Variants in MAPK10 observed in about 807,000 individuals in gnomAD.
The protein encoded by MAPK10 is JNK3 alpha protein kinase.
MAPK10 carries 25 observed loss-of-function variants against 59.3 expected under a neutral mutation model. That is an observed-to-expected ratio of 0.42 (90% CI 0.31 to 0.59). The LOEUF is 0.59. Ranked by LOEUF, MAPK10 falls within the 20% of genes least tolerant of loss-of-function variation. The pLI is 0.15. For missense variants in MAPK10, 351 were observed against 568.9 expected, an observed-to-expected ratio of 0.62 and a Z score of 3.90; for synonymous variants, 190 against 200.5, an observed-to-expected ratio of 0.95 and a Z score of 0.44.
chr4:86,555,419 C>G (rs1444397130), intron 1 of MAPK10, among the ~76,000 whole-genome samples: 2 of 152,142 alleles, frequency 1.3e-5, no homozygotes, highest in Non-Finnish European at 2.9e-5. Context: ...GCACTCTAGC[C>G]TGGGTGACAG....
chr4:86,323,460 C>T (rs985590929), intron 2 of MAPK10, among the ~76,000 whole-genome samples: 1 of 152,078 alleles, frequency 6.6e-6, no homozygotes, highest in Non-Finnish European at 1.5e-5. Context: ...TAAATCTCAC[C>T]AAATCATGTT....
Position 86,079,168 on chromosome 4 carries a change from A to G in MAPK10, c.803-11213T>C, listed in dbSNP as rs557287797. The stretch of plus-strand genomic sequence containing the variant: ...ATAAATGAGCATAGGAAGAGGAATT[A>G]TAAGCCAAAACACATCCAAAATATG... On this transcript the variant is annotated intron_variant, in intron 9 of 13. Transcript: ENST00000641462. Among the ~76,000 whole-genome samples the G allele has an allele frequency of 9.8e-5, 15 of 152,332 alleles. 1 individual carries two copies. The highest frequency in any genetic ancestry group is 5.9e-5 in the Non-Finnish European group (4 of 68,030).
At chr4:86,194,303 C>T (rs765362485) in intron 3 of MAPK10, 33 bp downstream of exon 3, 12 of 1,558,812 alleles carry the variant, frequency 7.7e-6, no homozygotes, top group South Asian at 1.1e-5. Flanking sequence ...AGGGAATATA[C>T]TGTACCTTGT....
At chr4:86,262,572 TA>T (rs1324338442) in intron 2 of MAPK10, among the ~76,000 whole-genome samples, 1 of 152,198 alleles carries the variant, frequency 6.6e-6, no homozygotes, top group Admixed American at 6.5e-5. Context: ...TCCTAGTGTG[TA>T]CTGAACCTAG....
At chr4:86,398,856 G>A (rs55724430) in intron 1 of MAPK10, among the ~76,000 whole-genome samples, 44,698 of 152,010 alleles carry the variant, frequency 0.29, 6,708 homozygotes, top group Admixed American at 0.33. Context: ...AGAATATGCA[G>A]CATTTAGTTT....
At chr4:86,518,892 G>GA (rs1371929885) in intron 1 of MAPK10, among the ~76,000 whole-genome samples, 1 of 152,112 alleles carries the variant, frequency 6.6e-6, no homozygotes, top group Non-Finnish European at 1.5e-5. Flanking sequence ...TTCAGGAGCA[G>GA]ATTATTTCAT....
chr4:86,132,883 G>C (rs150010386), intron 4 of MAPK10, among the ~76,000 whole-genome samples: 97 of 152,254 alleles, frequency 6.4e-4, no homozygotes, highest in African/African-American at 2.3e-3. Context: ...TCTACATTAT[G>C]ATGAGTTGTA....
chr4:86,037,950 A>G (rs2040684430), intron 11 of MAPK10, among the ~76,000 whole-genome samples: 1 of 152,196 alleles, frequency 6.6e-6, no homozygotes, highest in African/African-American at 2.4e-5. Context: ...TTCTGTTCCA[A>G]TTTTCTGTCA....
intron 1 of MAPK10, among the ~76,000 whole-genome samples, chr4:86,513,066 C>A (rs1283687616): frequency 6.6e-6 from 1 of 151,922 alleles, no homozygotes; most frequent in African/African-American, 2.4e-5. Context: ...TCCTTTTTTT[C>A]TTTTCTTTTC....
chr4:86,474,531 C>T (rs1455701052), intron 1 of MAPK10, among the ~76,000 whole-genome samples: 1 of 152,160 alleles, frequency 6.6e-6, no homozygotes, highest in East Asian at 1.9e-4. Context: ...TATAAATTGT[C>T]TTTGGCAAAA....
chr4:86,592,534 T>C (rs1244323204), intron 1 of MAPK10, among the ~76,000 whole-genome samples: 1 of 152,250 alleles, frequency 6.6e-6, no homozygotes, highest in Non-Finnish European at 1.5e-5. Context: ...ATACATGAAC[T>C]TTCTTTCAGA....
chr4:86,224,834 AT>A (rs1356677246), intron 2 of MAPK10, among the ~76,000 whole-genome samples: 1 of 152,340 alleles, frequency 6.6e-6, no homozygotes, highest in East Asian at 1.9e-4. Context: ...TAAAAATATT[AT>A]CCAAGATGAA....
chr4:86,358,525 T>G, intron 1 of MAPK10: 1 of 213,672 alleles, frequency 4.7e-6, no homozygotes, highest in Non-Finnish European at 8.1e-6. Context: ...AGGCAGCCCA[T>G]GTAAACAACC....
chr4:86,045,174 C>A (rs6815306), intron 11 of MAPK10, among the ~76,000 whole-genome samples: 55,578 of 151,592 alleles, frequency 0.37, 12,171 homozygotes, highest in South Asian at 0.58. Context: ...GTAGTTTTCT[C>A]AGATTTATTT....
At chr4:86,064,618 T>C in intron 10 of MAPK10, 1 of 501,326 alleles carries the variant, frequency 2.0e-6, no homozygotes, top group Non-Finnish European at 3.5e-6. Context: ...ACTTTGGGTA[T>C]ATAATTATTC....
chr4:86,563,304 T>C (rs1366366393), intron 1 of MAPK10, among the ~76,000 whole-genome samples: 1 of 152,214 alleles, frequency 6.6e-6, no homozygotes, highest in Non-Finnish European at 1.5e-5. Flanking sequence ...AACTTTTGAT[T>C]GCCAACATAA....
intron 1 of MAPK10, among the ~76,000 whole-genome samples, chr4:86,589,453 G>A (rs1762865566): frequency 2.0e-5 from 3 of 152,004 alleles, no homozygotes; most frequent in African/African-American, 4.8e-5. Context: ...AGGCCGAGGC[G>A]GGTGGATCAC....
intron 9 of MAPK10, among the ~76,000 whole-genome samples, chr4:86,076,928 G>C (rs1039803079): frequency 5.9e-5 from 9 of 152,022 alleles, no homozygotes; most frequent in African/African-American, 2.2e-4. Flanking sequence ...GCCCTGTGAG[G>C]TTATCAGAAA....
intron 1 of MAPK10, among the ~76,000 whole-genome samples, chr4:86,539,699 C>T (rs1246891087): frequency 1.3e-5 from 2 of 152,140 alleles, no homozygotes. Flanking sequence ...GGCTGGGGCA[C>T]ATGTGAGAAC....
Sources: gnomAD v4.1 joint callset for allele counts (sites outside exome capture counted in the v4.1 genomes callset) on GRCh38, gnomAD v4.1.1 for gene constraint, MANE v1.5 for transcripts, NCBI Gene and HGNC (gene_info 2026-07-23, HGNC 2026-07-21) for gene names.